The following RADIL variants were observed in gnomAD, a reference collection of about 807,000 sequenced individuals.
The protein encoded by RADIL is Rap associating with DIL domain, also known as ras-associating and dilute domain-containing protein.
In RADIL, 99 loss-of-function variants were observed where a neutral mutation model predicts 97.6. The ratio of observed to expected loss-of-function variants is 1.01; its 90% CI spans 0.86 to 1.20. The LOEUF (loss-of-function observed/expected upper bound fraction) is 1.20. Ranked by LOEUF, RADIL falls within the 50% of genes most tolerant of loss-of-function variation. The probability of loss-of-function intolerance (pLI) is 0.00; values close to 1 mark genes in which losing one functional copy is unlikely to be tolerated. For missense variants in RADIL, 1,765 were observed against 1,498.9 expected (o/e 1.18, Z -2.93); for synonymous variants, 803 against 691.8 (o/e 1.16, Z -2.52).
chr7:4,861,487 T>C, intron 2 of RADIL: 1 of 1,614,164 alleles, frequency 6.2e-7, no homozygotes, highest in African/African-American at 1.3e-5. Flanking sequence ...CTTTCGTATG[T>C]ACTCCTAATC....
Position 4,816,310 on chromosome 7 carries a change from C to G in RADIL, c.1884G>C (p.Val628=), listed in dbSNP as rs752325920. The change falls in exon 8 of 15, where the codon GTG becomes GTC. Residue 628 remains valine (V), a synonymous_variant. Coordinates refer to ENST00000399583, the MANE Select transcript of RADIL (RefSeq NM_018059.5). ...GCATCTGCGAGGCCACCTCGGGGTG[C>G]ACCTGCAGCTGCCGCAGGAGGTCCA... The part of the protein sequence containing the change: ...AALDLLRQLQ[V]HPEVASQMLA... 1 of 1,612,428 alleles carries G rather than the reference C, an allele frequency of 6.2e-7. No homozygotes were observed. Among genetic ancestry groups the G allele is most frequent in the Admixed American group, 1.7e-5 (1 of 59,990 alleles).
rs1782663880 is a variant in RADIL at position 4,815,833 on chromosome 7, G to C, written c.1967-383C>G. The stretch of plus-strand genomic sequence containing the variant: ...TGCTCCTGAGCCCTGCAGGTGATGG[G>C]GGAAGTCACTCCACAAGGCAGGGTC... On this transcript the variant is annotated intron_variant, in intron 8 of 14. Coordinates refer to ENST00000399583, the MANE Select transcript of RADIL (RefSeq NM_018059.5). This position sits in a 1 kb window ranked among gnomAD's most constrained non-coding sequence, Gnocchi z 8.0. 6.6e-6 allele frequency among the ~76,000 whole-genome samples: 1 copy of C among 152,158 alleles called. No individual in the cohort carries two copies. Among genetic ancestry groups the C allele is most frequent in the African/African-American group, 2.4e-5 (1 of 41,446 alleles).
At position 4,805,734 on chromosome 7, in the gene RADIL, G is replaced by T; in HGVS notation, c.2140-18C>A. On this transcript the variant is annotated intron_variant, in intron 9 of 14. Transcript: ENST00000399583. ...CAGCTCATCTGGGTGACAAGAAGGA[G>T]CTCATGGTCACAGGTCTCTGGGTGC... The T allele has an allele frequency of 6.2e-7, 1 of 1,600,160 alleles. No individual in the cohort carries two copies.
At chr7:4,853,167 T>A (rs937478559) in intron 2 of RADIL, among the ~76,000 whole-genome samples, 4 of 152,152 alleles carry the variant, frequency 2.6e-5, no homozygotes, top group Non-Finnish European at 4.4e-5. Flanking sequence ...GCAGCCAGAA[T>A]TCTAAGATGA....
At position 4,879,900 on chromosome 7, in the gene RADIL, A is replaced by G. The variant is rs1242159416; in HGVS notation, c.-64-1697T>C. Among the ~76,000 whole-genome samples, 1 of 152,008 alleles carries G rather than the reference A, an allele frequency of 6.6e-6. No individual in the cohort carries two copies. The highest frequency in any genetic ancestry group is 1.5e-5 in the Non-Finnish European group (1 of 67,996). ...GGGTGAGTCCTGAAATCAGACCACC[A>G]CTCGCTTCCTCCAGAACCAGCCCAG... On this transcript the variant is annotated intron_variant, in intron 1 of 14. Transcript: ENST00000399583. This position sits in a 1 kb window ranked among gnomAD's most constrained non-coding sequence, Gnocchi z 4.1.
At chr7:4,850,796 G>A (rs574717529) in intron 2 of RADIL, among the ~76,000 whole-genome samples, 26 of 152,296 alleles carry the variant, frequency 1.7e-4, no homozygotes, top group African/African-American at 5.5e-4. Flanking sequence ...GAGTGCAGCC[G>A]TGTGAGACCT....
At position 4,816,220 on chromosome 7, in the gene RADIL, G is replaced by T; in HGVS notation, c.1966+8C>A. On this transcript the variant is annotated splice_region_variant and intron_variant, in intron 8 of 14. Transcript: ENST00000399583. Reference sequence around the variant, plus strand: ...CCCCGACCCCTCAACCCTGCACGAGGCCCTCACCCCTGTCGAGGAGCTGGT... The same window carrying T: ...CCCCGACCCCTCAACCCTGCACGAGTCCCTCACCCCTGTCGAGGAGCTGGT... The T allele has an allele frequency of 6.2e-7, 1 of 1,605,514 alleles. No homozygotes were observed. Among genetic ancestry groups the T allele is most frequent in the Non-Finnish European group, 8.5e-7 (1 of 1,173,998 alleles).
chr7:4,830,043 C>T (rs1402384588), intron 5 of RADIL, among the ~76,000 whole-genome samples: 1 of 152,180 alleles, frequency 6.6e-6, no homozygotes, highest in African/African-American at 2.4e-5. Context: ...CACTGCCTAG[C>T]GTGGCCACCA....
rs772966891 is a variant in RADIL at position 4,834,655 on chromosome 7, G to A, written c.1368C>T (p.Phe456=). 14 of 1,361,010 alleles carry A rather than the reference G, an allele frequency of 1.0e-5. No individual in the cohort carries two copies. In the South Asian group the frequency reaches 1.8e-4, roughly 18 times the overall value. The allele number at this position is 1,361,010 out of a possible 1,614,324, so 84.3% of individuals were successfully genotyped here. A position where few individuals can be genotyped will look rare whatever the true frequency, so the allele number is the denominator to read the frequency against. The change falls in exon 4 of 15, where the codon TTC becomes TTT. Residue 456 remains phenylalanine (F), a synonymous_variant. Coordinates refer to ENST00000399583, the MANE Select transcript of RADIL (RefSeq NM_018059.5). The surrounding 1 kb of genome is among the most constrained non-coding windows in gnomAD (Gnocchi z 6.0). ...HSATHFQPGT[F]GQLLLKIARL... is the part of the protein sequence containing the mutation. The stretch of plus-strand genomic sequence containing the variant: ...TGGCTATCTTGAGCAGGAGCTGCCC[G>A]AATGTGCCCGGCTGGAAGTGGGTGG...
At position 4,807,690 on chromosome 7, in the gene RADIL, CATCT is replaced by C. The variant is rs1218835432; in HGVS notation, c.2140-1978_2140-1975del. Among the ~76,000 whole-genome samples the C allele has an allele frequency of 5.3e-5, 4 of 74,996 alleles. No homozygotes were observed. In the East Asian group the frequency reaches 1.9e-3, roughly 36 times the overall value. 49.2% of individuals were successfully genotyped at this position (74,996 alleles called of 152,430 possible). ...CCTCCCTCCTCCCTCTCCTTCTCTC[CATCT>C]CTCTCCCCTCCCTCCTCCCTCTCCT... On this transcript the variant is annotated intron_variant, in intron 9 of 14. Transcript: ENST00000399583.
chr7:4,881,143 C>G (rs1410058757), intron 1 of RADIL, among the ~76,000 whole-genome samples: 1 of 137,628 alleles, frequency 7.3e-6, no homozygotes, highest in African/African-American at 2.7e-5. Flanking sequence ...TGGCTGGGCA[C>G]GGTGGCTCAC....
chr7:4,808,017 T>TTCTCTCC (rs1782394978), intron 9 of RADIL, among the ~76,000 whole-genome samples: 2 of 54,134 alleles, frequency 3.7e-5, no homozygotes, highest in Non-Finnish European at 6.6e-5. Context: ...CTCCCTCTCC[T>TTCTCTCC]CTCCCTCCAT....
Position 4,837,799 on chromosome 7 carries a change from A to AGCC in RADIL, c.536-1197_536-1195dup. The AGCC allele has an allele frequency of 1.0e-6, 1 of 979,884 alleles. No individual in the cohort carries two copies. Among genetic ancestry groups the AGCC allele is most frequent in the Non-Finnish European group, 1.2e-6 (1 of 824,990 alleles). 60.7% of individuals were successfully genotyped at this position (979,884 alleles called of 1,614,324 possible). ...TCTAAATGCATGCTCTGGGAAAGCC[A>AGCC]GCCGGCTGCGATAGATGAAAACCGC... On this transcript the variant is annotated intron_variant, in intron 2 of 14. Coordinates refer to ENST00000399583, the MANE Select transcript of RADIL (RefSeq NM_018059.5). The surrounding 1 kb of genome is among the most constrained non-coding windows in gnomAD (Gnocchi z 5.6).
rs886529499 is a variant in RADIL, at chr7:4,818,831, G to A, written c.1616-1480C>T. ...GAAGAGGGAAACGGGGCATGGGAAT[G>A]ACAGGAGAAGGTGGCAGGGACTGTG... On this transcript the variant is annotated intron_variant, in intron 6 of 14. Transcript: ENST00000399583. The surrounding 1 kb of genome is among the most constrained non-coding windows in gnomAD (Gnocchi z 7.1). Among the ~76,000 whole-genome samples, 2 of 152,156 alleles carry A rather than the reference G, an allele frequency of 1.3e-5. No individual in the cohort carries two copies. Among genetic ancestry groups the A allele is most frequent in the African/African-American group, 4.8e-5 (2 of 41,420 alleles).
intron 2 of RADIL, chr7:4,861,193 C>T: frequency 6.2e-7 from 1 of 1,614,158 alleles, no homozygotes; most frequent in Admixed American, 1.7e-5. Context: ...CATCGGTTAC[C>T]CGGCAACCAT....
At chr7:4,810,063 G>A (rs1303847539) in intron 9 of RADIL, among the ~76,000 whole-genome samples, 2 of 152,170 alleles carry the variant, frequency 1.3e-5, no homozygotes, top group Non-Finnish European at 2.9e-5. Flanking sequence ...GTGGTGGCCA[G>A]GCTGGTCTCG....
At chr7:4,871,055 G>A (rs1011344726) in intron 2 of RADIL, among the ~76,000 whole-genome samples, 14 of 152,316 alleles carry the variant, frequency 9.2e-5, no homozygotes, top group African/African-American at 3.4e-4. Flanking sequence ...GCTCAAACAC[G>A]TCTTTAAAGT....
In RADIL at chr7:4,799,173, A is replaced by G. The variant is rs906023423; in HGVS notation, c.*205T>C. ...AAGTCTTTAAACATAAAAGCTCTGT[A>G]ACAAACATCACAATTTCACGTCATC... On this transcript the variant is annotated 3_prime_UTR_variant, in exon 15 of 15. Coordinates refer to ENST00000399583, the MANE Select transcript of RADIL (RefSeq NM_018059.5). 3.1e-5 allele frequency: 18 copies of G among 584,958 alleles called. No individual in the cohort carries two copies. Among genetic ancestry groups the G allele is most frequent in the Admixed American group, 1.2e-4 (4 of 33,384 alleles). The allele number at this position is 584,958 out of a possible 1,614,324, so 36.2% of individuals were successfully genotyped here.
At position 4,803,200 on chromosome 7, in the gene RADIL, C is replaced by A. The variant is rs563734932; in HGVS notation, c.2499+346G>T. Among the ~76,000 whole-genome samples, 146 of 60,008 alleles carry A rather than the reference C, an allele frequency of 2.4e-3. 20 individuals are homozygous for A. Among genetic ancestry groups the A allele is most frequent in the African/African-American group, 0.012 (62 of 5,320 alleles). 39.4% of individuals were successfully genotyped at this position (60,008 alleles called of 152,430 possible). ...CACGCTGGCTGGGGGGCCCCCTCCC[C>A]GGGTACCTCGGGGCACACTGGCTGG... On this transcript the variant is annotated intron_variant, in intron 11 of 14. Transcript: ENST00000399583.
Sources: gnomAD v4.1 joint callset for allele counts (sites outside exome capture counted in the v4.1 genomes callset) on GRCh38, gnomAD v4.1.1 for gene constraint, Gnocchi (gnomAD v3.1) non-coding constraint, MANE v1.5 for transcripts, NCBI Gene and HGNC (gene_info 2026-07-23, HGNC 2026-07-21) for gene names.